The following GUCY2D variants were observed in gnomAD, a reference collection of about 807,000 sequenced individuals.
GUCY2D encodes the protein retinal guanylyl cyclase 1.
In GUCY2D, 70 loss-of-function variants were observed where a neutral mutation model predicts 101.3. The observed-to-expected ratio is 0.69, with a 90% confidence interval of 0.57 to 0.84. The LOEUF (loss-of-function observed/expected upper bound fraction) is 0.84. Ranked by LOEUF, GUCY2D falls within the 40% of genes least tolerant of loss-of-function variation. The probability of loss-of-function intolerance (pLI) is 0.00; values close to 1 mark genes in which losing one functional copy is unlikely to be tolerated. For missense variants in GUCY2D, 1,460 were observed against 1,542.5 expected (o/e 0.95, Z 0.90); for synonymous variants, 688 against 670.7 (o/e 1.03, Z -0.40).
intron 3 of GUCY2D, 148 bp downstream of exon 3, chr17:8,004,304 A>T (rs1428651069): frequency 4.1e-6 from 3 of 733,220 alleles, no homozygotes; most frequent in Non-Finnish European, 6.5e-6. Context: ...CTCTGGCCCC[A>T]CTTGGGGTCT....
At chr17:8,015,885 G>A (rs773516984) in intron 16 of GUCY2D, 42 bp from the exon 17 acceptor site, 3 of 1,594,794 alleles carry the variant, frequency 1.9e-6, no homozygotes, top group Admixed American at 1.7e-5. Context: ...AGGGGGACAC[G>A]GGAGGTGAGT....
At chr17:8,019,863 G>C (rs938009910) in intron 19 of GUCY2D, among the ~76,000 whole-genome samples, 1 of 152,186 alleles carries the variant, frequency 6.6e-6, no homozygotes, top group Admixed American at 6.5e-5. Context: ...CAGCGCATGA[G>C]AGCACCGGGG....
rs1327745326 is a variant in GUCY2D at position 8,013,069 on chromosome 17, C to G, written c.2114-34C>G. 6.2e-7 allele frequency: 1 copy of G among 1,601,232 alleles called. No individual in the cohort carries two copies. Among genetic ancestry groups the G allele is most frequent in the Admixed American group, 1.7e-5 (1 of 59,884 alleles). On this transcript the variant is annotated intron_variant, in intron 10 of 19. Transcript: ENST00000254854. The surrounding 1 kb of genome is among the most constrained non-coding windows in gnomAD (Gnocchi z 5.0). ...TTTCTGGTGAGGGTGGGAGTCTTTC[C>G]CCAGCGGCGCCTCAGCCCCTTCCCC...
At position 8,016,550 on chromosome 17, in the gene GUCY2D, G is replaced by C; in HGVS notation, c.*20G>C. The C allele has an allele frequency of 4.1e-6, 6 of 1,481,436 alleles. No individual in the cohort carries two copies. Among genetic ancestry groups the C allele is most frequent in the Non-Finnish European group, 5.5e-6 (6 of 1,087,628 alleles). 91.8% of individuals were successfully genotyped at this position (1,481,436 alleles called of 1,614,324 possible). On this transcript the variant is annotated 3_prime_UTR_variant, in exon 19 of 20. Transcript: ENST00000254854. ...TCTTGAGAAGTGAGGCCCGGCCCCG[G>C]ACAGGTACTGCCCCCTCAGCCCCAA...
intron 6 of GUCY2D, 41 bp downstream of exon 6, chr17:8,007,569 C>A (rs776947384): frequency 7.5e-7 from 1 of 1,341,798 alleles, no homozygotes; most frequent in Admixed American, 1.7e-5. Context: ...GTCTTCTTTC[C>A]GTAAATTTGG....
chr17:8,004,091 G>A lies in GUCY2D; in HGVS notation c.961G>A (p.Val321Met), dbSNP rs765886731. The A allele has an allele frequency of 3.1e-6, 5 of 1,603,870 alleles. No individual in the cohort carries two copies. The South Asian group carries it at 3.3e-5, about 11-fold the overall frequency. The change falls in exon 3 of 20, where the codon GTG (valine) becomes ATG (methionine). Residue 321 changes from valine (V) to methionine (M), a missense_variant. This residue lies in a region of GUCY2D where 1,196 missense variants were observed against 1,229.6 expected (regional missense o/e 0.97). Transcript: ENST00000254854. The part of the protein sequence containing the change: ...LTRHCPSEGS[V>M]LDSLRRAQER... ...GCGCCACTGTCCCTCTGAAGGCAGC[G>A]TGCTGGACAGCCTGCGCAGGGCTCA...
In GUCY2D at chr17:8,016,289, G is replaced by A; in HGVS notation, c.3223G>A (p.Gly1075Arg). 1 of 1,564,142 alleles carries A rather than the reference G, an allele frequency of 6.4e-7. No homozygotes were observed. Residue 1075 changes from glycine to arginine, a missense_variant and splice_region_variant, in exon 18 of 20, where the codon GGG becomes AGG. Physicochemically the swap from Gly to Arg is moderately radical, Grantham distance 125. Transcript: ENST00000254854. ...CCCCAAACCGCCTGACCTGCAACCG[G>A]GGTGAGGGGCCGGCCTCCGCGGCAG... Reference protein sequence around the residue: ...PIPKPPDLQPGSSNHGISLQE... With the variant: ...PIPKPPDLQPRSSNHGISLQE...
At chr17:8,006,784 T>A (rs1598146418) in intron 4 of GUCY2D, 70 bp downstream of exon 4, 1 of 1,309,720 alleles carries the variant, frequency 7.6e-7, no homozygotes, top group East Asian at 2.5e-5. Flanking sequence ...TGAAAGAGAG[T>A]GGACTCCTAT....
In GUCY2D at chr17:8,011,844, A is replaced by G. The variant is rs1250916762; in HGVS notation, c.1750-300A>G. 6.6e-6 allele frequency among the ~76,000 whole-genome samples: 1 copy of G among 152,180 alleles called. No individual in the cohort carries two copies. The highest frequency in any genetic ancestry group is 1.5e-5 in the Non-Finnish European group (1 of 68,026). On this transcript the variant is annotated intron_variant, in intron 8 of 19. Coordinates refer to ENST00000254854, the MANE Select transcript of GUCY2D (RefSeq NM_000180.4). The surrounding 1 kb of genome is among the most constrained non-coding windows in gnomAD (Gnocchi z 4.3). ...ACCTCGTGTCTAAAAAAAAAGGCTT[A>G]TGATCAATAAATCCGAACCTGCCTG...
chr17:8,012,380 C>A (rs1463314544), intron 9 of GUCY2D, 30 bp downstream of exon 9: 1 of 1,610,674 alleles, frequency 6.2e-7, no homozygotes, highest in East Asian at 2.2e-5. Flanking sequence ...GGGGTGACGT[C>A]CTGGGGGCAG....
Position 8,003,066 on chromosome 17 carries a change from C to G in GUCY2D, c.19C>G (p.Arg7Gly). The change falls in exon 2 of 20, where the codon CGA becomes GGA. Residue 7 changes from arginine to glycine, a missense_variant. This residue lies in a region of GUCY2D where 1,196 missense variants were observed against 1,229.6 expected (regional missense o/e 0.97). Coordinates refer to ENST00000254854, the MANE Select transcript of GUCY2D (RefSeq NM_000180.4). Reference protein sequence around the residue: MTACARRAGGLPDPGLC... With the variant: MTACARGAGGLPDPGLC... The stretch of plus-strand genomic sequence containing the variant: ...GCCGGCAATGACCGCCTGCGCCCGC[C>G]GAGCGGGTGGGCTTCCGGACCCCGG... 1 of 1,526,300 alleles carries G rather than the reference C, an allele frequency of 6.6e-7. No homozygotes were observed. The highest frequency in any genetic ancestry group is 8.7e-7 in the Non-Finnish European group (1 of 1,143,202). 94.5% of individuals were successfully genotyped at this position (1,526,300 alleles called of 1,614,324 possible). A position where few individuals can be genotyped will look rare whatever the true frequency, so the allele number is the denominator to read the frequency against.
At chr17:8,007,599 C>G (rs1975771686) in intron 6 of GUCY2D, 71 bp downstream of exon 6, 2 of 915,370 alleles carry the variant, frequency 2.2e-6, no homozygotes, top group Non-Finnish European at 3.6e-6. Context: ...TGGGCCAGTC[C>G]CGACCCCAGC....
Position 8,003,485 on chromosome 17 carries a change from G to A in GUCY2D, c.438G>A (p.Ala146=), listed in dbSNP as rs765243245. 5 of 1,527,520 alleles carry A rather than the reference G, an allele frequency of 3.3e-6. No homozygotes were observed. In the African/African-American group the frequency reaches 6.9e-5, roughly 21 times the overall value. 94.6% of individuals were successfully genotyped at this position (1,527,520 alleles called of 1,614,324 possible). ...TGCTCGCCGAAGAAGCCGGGATCGC[G>A]CTGGTGCCCTGGGGCTGCCCCTGGA... ...AELLAEEAGI[A]LVPWGCPWTQ... Residue 146 remains alanine, a synonymous_variant, in exon 2 of 20, where the codon GCG becomes GCA. Coordinates refer to ENST00000254854, the MANE Select transcript of GUCY2D (RefSeq NM_000180.4).
chr17:8,006,555 A>G lies in GUCY2D; in HGVS notation c.1219A>G (p.Thr407Ala), dbSNP rs775299640. The G allele has an allele frequency of 9.3e-6, 15 of 1,613,192 alleles. 1 individual carries two copies. In the South Asian group the frequency reaches 1.5e-4, roughly 17 times the overall value. The change falls in exon 4 of 20, where the codon ACG becomes GCG. Residue 407 changes from threonine (T) to alanine (A), a missense_variant. By Grantham distance (58) the Thr-to-Ala change is moderately conservative. Around this residue, in one of 3 missense-constraint regions of GUCY2D, gnomAD observed 1,196 missense variants for 1,229.6 expected, o/e 0.97. Transcript: ENST00000254854. ...GGAGCCCCCATTCGTGCTGCTAGAC[A>G]CGGACGCGGCGGGAGACCGGCTTTT... The part of the protein sequence containing the change: ...DEEPPFVLLD[T>A]DAAGDRLFAT...
rs2151799758 is a variant in GUCY2D at position 8,004,108 on chromosome 17, C to T, written c.978C>T (p.Arg326=). 1 of 1,601,510 alleles carries T rather than the reference C, an allele frequency of 6.2e-7. No individual in the cohort carries two copies. The highest frequency in any genetic ancestry group is 1.7e-4 in the Middle Eastern group (1 of 6,054). The change falls in exon 3 of 20, where the codon CGC becomes CGT. Residue 326 remains arginine, a synonymous_variant. Coordinates refer to ENST00000254854, the MANE Select transcript of GUCY2D (RefSeq NM_000180.4). ...AAGGCAGCGTGCTGGACAGCCTGCG[C>T]AGGGCTCAAGAGCGCCGCGAGCTGC... The part of the protein sequence containing the change: ...PSEGSVLDSL[R]RAQERRELPS...
rs1975850535 is a variant in GUCY2D at position 8,011,505 on chromosome 17, C to T, written c.1750-639C>T. 6.6e-6 allele frequency among the ~76,000 whole-genome samples: 1 copy of T among 152,134 alleles called. No homozygotes were observed. Among genetic ancestry groups the T allele is most frequent in the African/African-American group, 2.4e-5 (1 of 41,432 alleles). ...GAGCTTCTCCTTCATGAGCTGCTTC[C>T]CTTAAGACCCAGGCAGTTCAGAGTT... On this transcript the variant is annotated intron_variant, in intron 8 of 19. Coordinates refer to ENST00000254854, the MANE Select transcript of GUCY2D (RefSeq NM_000180.4). This position sits in a 1 kb window ranked among gnomAD's most constrained non-coding sequence, Gnocchi z 4.3.
At chr17:8,008,370 C>A (rs1360057128) in intron 7 of GUCY2D, among the ~76,000 whole-genome samples, 1 of 152,222 alleles carries the variant, frequency 6.6e-6, no homozygotes, top group Non-Finnish European at 1.5e-5. Context: ...GAGACCATCT[C>A]CGGCCTGGTC....
At chr17:8,009,145 A>G (rs928619534) in intron 7 of GUCY2D, among the ~76,000 whole-genome samples, 20 of 152,184 alleles carry the variant, frequency 1.3e-4, no homozygotes, top group African/African-American at 4.8e-4. Flanking sequence ...AGCCTGATCT[A>G]CCCAGATTTT....
rs747807494 is a variant in GUCY2D at position 8,012,587 on chromosome 17, G to A, written c.2094G>A (p.Pro698=). 131 of 1,613,356 alleles carry A rather than the reference G, an allele frequency of 8.1e-5. No individual in the cohort carries two copies. The East Asian group carries it at 2.5e-3, about 31-fold the overall frequency. Residue 698 remains proline, a synonymous_variant, in exon 10 of 20, where the codon CCG becomes CCA. Coordinates refer to ENST00000254854, the MANE Select transcript of GUCY2D (RefSeq NM_000180.4). ...GRLLEAQKVL[P]EPPRAEDQLW... Reference sequence around the variant, plus strand: ...TGCTGGAAGCACAGAAGGTGCTACCGGAGCCTCCCAGAGCGGAGGGTAAGA... The same window carrying A: ...TGCTGGAAGCACAGAAGGTGCTACCAGAGCCTCCCAGAGCGGAGGGTAAGA...
Sources: gnomAD v4.1 joint callset for allele counts (sites outside exome capture counted in the v4.1 genomes callset) on GRCh38, gnomAD v4.1.1 for gene constraint, gnomAD v4.1.1 regional missense constraint, Gnocchi (gnomAD v3.1) non-coding constraint, MANE v1.5 for transcripts, NCBI Gene and HGNC (gene_info 2026-07-23, HGNC 2026-07-21) for gene names.